The following MYO16 variants were observed in gnomAD, a reference collection of about 807,000 sequenced individuals.
MYO16 encodes the protein myosin XVI.
In MYO16, 94 loss-of-function variants were observed where a neutral mutation model predicts 205.3. The ratio of observed to expected loss-of-function variants is 0.46; its 90% CI spans 0.39 to 0.54. The LOEUF (loss-of-function observed/expected upper bound fraction) is 0.54, where lower values mean the gene tolerates loss of function less well. Among genes scored for constraint, MYO16 ranks in the 20% least tolerant of loss-of-function variants. The pLI is 0.00. For missense variants in MYO16, 2,315 were observed against 2,387.5 expected (o/e 0.97, Z 0.63); for synonymous variants, 988 against 954.0 (o/e 1.04, Z -0.66).
chr13:108,571,740 A>G, the MYO16 span, among the ~76,000 whole-genome samples: 5 of 151,612 alleles, frequency 3.3e-5, no homozygotes, highest in Non-Finnish European at 7.4e-5. Context: ...GTTCAAAACA[A>G]AACCAAGTAA....
intron 15 of MYO16, among the ~76,000 whole-genome samples, chr13:108,903,557 A>T (rs1880816974): frequency 6.6e-6 from 1 of 152,190 alleles, no homozygotes; most frequent in Non-Finnish European, 1.5e-5. Context: ...CCTGCAACAA[A>T]GAGTAACAGA....
At chr13:108,602,115 A>G (rs928106804) in intron 1 of MYO16, among the ~76,000 whole-genome samples, 2 of 151,674 alleles carry the variant, frequency 1.3e-5, no homozygotes, top group South Asian at 2.1e-4. Context: ...AAAAAAAAAA[A>G]AAAAAAACAG....
intron 14 of MYO16, 73 bp from the exon 15 acceptor site, chr13:108,897,943 A>T: frequency 8.8e-7 from 1 of 1,142,274 alleles, no homozygotes; most frequent in South Asian, 1.3e-5. Context: ...TATTCACTGC[A>T]TCGTCGCTAT....
chr13:108,564,172 CTTTTT>C, the MYO16 span, among the ~76,000 whole-genome samples: 2 of 126,702 alleles, frequency 1.6e-5, no homozygotes. Flanking sequence ...CTATTGCCTT[CTTTTT>C]TTTTTTTTTT....
intron 34 of MYO16, among the ~76,000 whole-genome samples, chr13:109,180,658 G>A (rs2139918179): frequency 6.6e-6 from 1 of 152,306 alleles, no homozygotes; most frequent in South Asian, 2.1e-4. Context: ...ACACTGATGA[G>A]GTAGTGAGAA....
At chr13:108,546,190 T>C in the MYO16 span, among the ~76,000 whole-genome samples, 1 of 152,182 alleles carries the variant, frequency 6.6e-6, no homozygotes, top group Admixed American at 6.5e-5. Flanking sequence ...TAGCACAGCC[T>C]AGAAGTGGCC....
At chr13:109,159,593 G>C (rs986307608) in intron 32 of MYO16, among the ~76,000 whole-genome samples, 3 of 152,226 alleles carry the variant, frequency 2.0e-5, no homozygotes, top group African/African-American at 7.2e-5. Flanking sequence ...CCACATTCCA[G>C]AGGAAGGAGA....
At chr13:108,808,465 C>T (rs1566342447) in intron 7 of MYO16, among the ~76,000 whole-genome samples, 1 of 151,944 alleles carries the variant, frequency 6.6e-6, no homozygotes, top group Non-Finnish European at 1.5e-5. Context: ...GCGCTCACCA[C>T]CACGCCTGGC....
At chr13:109,090,600 G>C (rs540544984) in intron 27 of MYO16, among the ~76,000 whole-genome samples, 2 of 152,154 alleles carry the variant, frequency 1.3e-5, no homozygotes, top group Non-Finnish European at 2.9e-5. Context: ...GTGGGCGTGC[G>C]GAGGCTGCAG....
Position 108,742,774 on chromosome 13 carries a change from A to G in MYO16, c.507+15191A>G, listed in dbSNP as rs115263632. On this transcript the variant is annotated intron_variant, in intron 4 of 34. Transcript: ENST00000457511. ...GTATTATTTCTAAGATGTTGAATCA[A>G]TGCAGCTATGCCCTGAGTTAAATGC... Among the ~76,000 whole-genome samples the G allele has an allele frequency of 5.5e-3, 840 of 152,340 alleles. 5 individuals are homozygous for G. Among genetic ancestry groups the G allele is most frequent in the African/African-American group, 0.019 (785 of 41,568 alleles).
intron 31 of MYO16, among the ~76,000 whole-genome samples, chr13:109,128,644 A>G (rs1876380681): frequency 6.6e-6 from 1 of 151,876 alleles, no homozygotes; most frequent in South Asian, 2.1e-4. Flanking sequence ...TGTTTTTGTC[A>G]TGAACAACAT....
At chr13:108,557,655 G>A in the MYO16 span, among the ~76,000 whole-genome samples, 15 of 151,998 alleles carry the variant, frequency 9.9e-5, no homozygotes, top group Admixed American at 2.0e-4. Flanking sequence ...CATTTATTTC[G>A]TTCCTCAACA....
chr13:109,048,456 G>A (rs1887124356), intron 24 of MYO16: 2 of 582,204 alleles, frequency 3.4e-6, no homozygotes, highest in Non-Finnish European at 3.2e-6. Flanking sequence ...TAGACCTTGT[G>A]CACCATAAGA....
rs145086722 is a variant in MYO16 at position 108,663,732 on chromosome 13, A to C, written c.29-2154A>C. Among the ~76,000 whole-genome samples the C allele has an allele frequency of 6.6e-5, 10 of 152,340 alleles. No individual in the cohort carries two copies. The East Asian group carries it at 1.2e-3, about 18-fold the overall frequency. On this transcript the variant is annotated intron_variant, in intron 1 of 34. Transcript: ENST00000457511. ...CCAAGAGACGCTTCTTAAGAGTTACAAACTAGAGGACTGCTATGTTTATTC... is the reference window on the plus strand; with the variant it reads ...CCAAGAGACGCTTCTTAAGAGTTACCAACTAGAGGACTGCTATGTTTATTC...
intron 1 of MYO16, among the ~76,000 whole-genome samples, chr13:108,634,842 C>T (rs1880152957): frequency 6.6e-6 from 1 of 152,146 alleles, no homozygotes; most frequent in African/African-American, 2.4e-5. Flanking sequence ...TTTTGACAAC[C>T]TCATCCATTC....
chr13:109,016,553 A>T (rs963221731), intron 22 of MYO16, among the ~76,000 whole-genome samples: 1 of 151,946 alleles, frequency 6.6e-6, no homozygotes, highest in African/African-American at 2.4e-5. Flanking sequence ...AATATTGACA[A>T]TGGGGTGTTA....
intron 15 of MYO16, among the ~76,000 whole-genome samples, chr13:108,907,888 A>G (rs1277876940): frequency 1.3e-5 from 2 of 152,190 alleles, no homozygotes; most frequent in African/African-American, 4.8e-5. Context: ...CAAGATGACT[A>G]TTCATTCTCC....
At chr13:108,869,186 C>T (rs1878883879) in intron 12 of MYO16, among the ~76,000 whole-genome samples, 1 of 152,018 alleles carries the variant, frequency 6.6e-6, no homozygotes, top group Admixed American at 6.6e-5. Context: ...AATTTGATTG[C>T]ATTATATTTA....
chr13:109,205,637 C>T (rs770099747), intron 34 of MYO16, among the ~76,000 whole-genome samples: 3 of 151,946 alleles, frequency 2.0e-5, no homozygotes, highest in Admixed American at 6.6e-5. Context: ...AAATTGATAT[C>T]TGCAATGTCC....
Sources: allele counts gnomAD v4.1 joint callset (sites outside exome capture counted in the v4.1 genomes callset), GRCh38; gene constraint gnomAD v4.1.1; transcripts MANE v1.5; gene names NCBI Gene and HGNC (gene_info 2026-07-23, HGNC 2026-07-21).